SGPL1: variants seen among roughly 807,000 people sequenced by gnomAD.
SGPL1 encodes SP-lyase 1.
Under a neutral mutation model 68.9 loss-of-function variants are expected in SGPL1, and 37 were observed. That is an observed-to-expected ratio of 0.54 (90% CI 0.41 to 0.71). The LOEUF (loss-of-function observed/expected upper bound fraction) is 0.71. Among genes scored for constraint, SGPL1 ranks in the 30% least tolerant of loss-of-function variants. SGPL1 has a pLI of 0.00. For missense variants in SGPL1, 551 were observed against 704.6 expected (o/e 0.78, Z 2.47); for synonymous variants, 236 against 248.5 (o/e 0.95, Z 0.47).
At position 70,863,996 on chromosome 10, in the gene SGPL1, T is replaced by C. The variant is rs150523574; in HGVS notation, c.616-4349T>C. Among the ~76,000 whole-genome samples the C allele has an allele frequency of 2.0e-3, 307 of 152,338 alleles. 1 individual carries two copies. The highest frequency in any genetic ancestry group is 7.1e-3 in the African/African-American group (297 of 41,588). On this transcript the variant is annotated intron_variant, in intron 7 of 14. Transcript: ENST00000373202. The stretch of plus-strand genomic sequence containing the variant: ...GAAAGCTAGTTTTGCCACTCACTTA[T>C]CTTGCAGGATTCTTGATTTTGCTTT...
rs115772387 is a variant in SGPL1 at position 70,864,330 on chromosome 10, T to C, written c.616-4015T>C. On this transcript the variant is annotated intron_variant, in intron 7 of 14. Transcript: ENST00000373202. ...TGACTTTTGGTTGCCTCTGGCCAGA[T>C]TGAACACAGTTCTCCACATTTGGAG... 1.9e-3 allele frequency among the ~76,000 whole-genome samples: 282 copies of C among 152,326 alleles called. 2 individuals carry two copies. The highest frequency in any genetic ancestry group is 6.4e-3 in the African/African-American group (264 of 41,570).
intron 2 of SGPL1, among the ~76,000 whole-genome samples, chr10:70,829,856 A>G (rs12776832): frequency 0.12 from 18,091 of 152,232 alleles, 1,336 homozygotes; most frequent in Non-Finnish European, 0.17. Context: ...TCCTTTTCAG[A>G]TATCTGGGTA....
intron 2 of SGPL1, among the ~76,000 whole-genome samples, chr10:70,839,922 A>G (rs1176995733): frequency 6.6e-6 from 1 of 152,094 alleles, no homozygotes; most frequent in Non-Finnish European, 1.5e-5. Context: ...AAATTGCAAA[A>G]AAAAAAAGTC....
intron 1 of SGPL1, 112 bp from the exon 2 acceptor site, chr10:70,816,699 T>G: frequency 1.3e-6 from 1 of 769,696 alleles, no homozygotes; most frequent in Non-Finnish European, 2.4e-6. Context: ...GAATGAAATC[T>G]GAGCCTTCAA....
At chr10:70,856,672 G>A (rs1201242011) in intron 5 of SGPL1, among the ~76,000 whole-genome samples, 1 of 152,226 alleles carries the variant, frequency 6.6e-6, no homozygotes. Context: ...GTAAGAATGA[G>A]TTTGTCTGTA....
chr10:70,837,157 A>G (rs895352403), intron 2 of SGPL1, among the ~76,000 whole-genome samples: 2 of 151,614 alleles, frequency 1.3e-5, no homozygotes, highest in Non-Finnish European at 2.9e-5. Context: ...GGCTCACTGC[A>G]ACCCCCGCCT....
intron 2 of SGPL1, among the ~76,000 whole-genome samples, chr10:70,829,832 C>T (rs1845502667): frequency 6.6e-6 from 1 of 152,202 alleles, no homozygotes; most frequent in Non-Finnish European, 1.5e-5. Context: ...CAGGGGAATA[C>T]TCAAAGGTCA....
chr10:70,875,813 C>CT (rs1846374514), intron 13 of SGPL1, among the ~76,000 whole-genome samples: 1 of 152,218 alleles, frequency 6.6e-6, no homozygotes, highest in Non-Finnish European at 1.5e-5. Context: ...TCTAGCCTTT[C>CT]TACTCTCCAA....
In SGPL1 at chr10:70,875,493, T is replaced by C. The variant is rs780609975; in HGVS notation, c.1390T>C (p.Ser464Pro). 1.2e-6 allele frequency: 2 copies of C among 1,613,746 alleles called. No homozygotes were observed. The highest frequency in any genetic ancestry group is 1.7e-6 in the Non-Finnish European group (2 of 1,179,700). ...CCGTGATTTTGACATCTACCGACTA[T>C]CAAACCTGATGACTGCTAAGGGGTG... ...GSRDFDIYRL[S>P]NLMTAKGWNL... Residue 464 changes from serine (S) to proline (P), a missense_variant, in exon 13 of 15, where the codon TCA becomes CCA. Physicochemically the swap from Ser to Pro is moderately conservative, Grantham distance 74. Coordinates refer to ENST00000373202, the MANE Select transcript of SGPL1 (RefSeq NM_003901.4).
intron 3 of SGPL1, among the ~76,000 whole-genome samples, chr10:70,846,809 T>G (rs938321230): frequency 6.6e-6 from 1 of 152,268 alleles, no homozygotes; most frequent in Admixed American, 6.5e-5. Flanking sequence ...ATATTTATCA[T>G]GTACAACATA....
intron 2 of SGPL1, among the ~76,000 whole-genome samples, chr10:70,833,308 C>T (rs1845574370): frequency 6.6e-6 from 1 of 152,180 alleles, no homozygotes; most frequent in Non-Finnish European, 1.5e-5. Context: ...TTGAGACGAA[C>T]TTCTCAGATA....
intron 2 of SGPL1, among the ~76,000 whole-genome samples, chr10:70,829,225 ACTCG>A (rs1845491566): frequency 6.6e-6 from 1 of 152,204 alleles, no homozygotes; most frequent in East Asian, 1.9e-4. Flanking sequence ...GCCAGAGGGC[ACTCG>A]CAGCCTTCTG....
rs530973467 is a variant in SGPL1 at position 70,864,288 on chromosome 10, C to T, written c.616-4057C>T. ...TATGATTTCACAGACTTCCAACCATCGCAGTCATTCTCTGTATGACTTTTG... is the reference window on the plus strand; with the variant it reads ...TATGATTTCACAGACTTCCAACCATTGCAGTCATTCTCTGTATGACTTTTG... On this transcript the variant is annotated intron_variant, in intron 7 of 14. Coordinates refer to ENST00000373202, the MANE Select transcript of SGPL1 (RefSeq NM_003901.4). 7.2e-5 allele frequency among the ~76,000 whole-genome samples: 11 copies of T among 152,308 alleles called. No individual in the cohort carries two copies. In the East Asian group the frequency reaches 9.6e-4, roughly 13 times the overall value.
At chr10:70,854,452 G>C (rs1456142620) in intron 4 of SGPL1, among the ~76,000 whole-genome samples, 1 of 152,162 alleles carries the variant, frequency 6.6e-6, no homozygotes, top group Non-Finnish European at 1.5e-5. Context: ...TGTGATAATA[G>C]GTGTAAGCCA....
intron 2 of SGPL1, among the ~76,000 whole-genome samples, chr10:70,822,964 T>G (rs1225428403): frequency 3.3e-5 from 5 of 151,762 alleles, no homozygotes; most frequent in African/African-American, 9.7e-5. Context: ...ACTTCTAATT[T>G]TATACATTTT....
At chr10:70,818,695 AT>A (rs1401308083) in intron 2 of SGPL1, among the ~76,000 whole-genome samples, 1 of 152,196 alleles carries the variant, frequency 6.6e-6, no homozygotes, top group Non-Finnish European at 1.5e-5. Context: ...TTTAGGTTGT[AT>A]GTGAGAGACA....
chr10:70,860,304 A>G, intron 7 of SGPL1: 1 of 449,418 alleles, frequency 2.2e-6, no homozygotes, highest in East Asian at 7.0e-5. Context: ...GATACTCATC[A>G]TATTTGCAGT....
intron 4 of SGPL1, among the ~76,000 whole-genome samples, chr10:70,854,230 A>T (rs1234249128): frequency 2.7e-5 from 4 of 150,584 alleles, no homozygotes; most frequent in Admixed American, 6.6e-5. Context: ...AATGGAGTAC[A>T]GTGGTGTGAT....
chr10:70,877,113 G>C, intron 14 of SGPL1, 82 bp from the exon 15 acceptor site: 1 of 1,410,580 alleles, frequency 7.1e-7, no homozygotes, highest in Non-Finnish European at 1.0e-6. Flanking sequence ...TAGGACTCGG[G>C]GAGAAGGGGC....
Sources: gnomAD v4.1 joint callset for allele counts (sites outside exome capture counted in the v4.1 genomes callset) on GRCh38, gnomAD v4.1.1 for gene constraint, MANE v1.5 for transcripts, NCBI Gene and HGNC (gene_info 2026-07-23, HGNC 2026-07-21) for gene names.